USP12: variants seen among roughly 807,000 people sequenced by gnomAD.
The protein encoded by USP12 is ubiquitin specific peptidase 12.
In USP12, 19 loss-of-function variants were observed where a neutral mutation model predicts 45.5. That is an observed-to-expected ratio of 0.42 (90% CI 0.29 to 0.61). The LOEUF is 0.61. Ranked by LOEUF, USP12 falls within the 20% of genes least tolerant of loss-of-function variation. USP12 has a pLI of 0.22. For missense variants in USP12, 242 were observed against 447.7 expected, an observed-to-expected ratio of 0.54 and a Z score of 4.15; for synonymous variants, 149 against 148.8, an observed-to-expected ratio of 1.00 and a Z score of -0.01.
At chr13:27,165,412 C>T (rs895731440) in intron 1 of USP12, among the ~76,000 whole-genome samples, 10 of 152,058 alleles carry the variant, frequency 6.6e-5, no homozygotes, top group East Asian at 3.8e-4. Context: ...AAACAAATTT[C>T]CATTTTGGTT....
chr13:27,147,752 T>C (rs2137827654), intron 1 of USP12, among the ~76,000 whole-genome samples: 1 of 151,262 alleles, frequency 6.6e-6, no homozygotes, highest in African/African-American at 2.4e-5. Flanking sequence ...TTCAAAGCGC[T>C]CAAAGAAAGG....
intron 1 of USP12, among the ~76,000 whole-genome samples, chr13:27,116,921 G>A (rs113323128): frequency 5.9e-5 from 9 of 152,184 alleles, no homozygotes; most frequent in African/African-American, 1.7e-4. Context: ...ATGTAAGAAC[G>A]CTCTGATGTT....
At chr13:27,148,368 G>A (rs1334213992) in intron 1 of USP12, among the ~76,000 whole-genome samples, 10 of 107,520 alleles carry the variant, frequency 9.3e-5, no homozygotes, top group Admixed American at 1.2e-4. Flanking sequence ...AAAAGCAACT[G>A]TATAAAACTA....
intron 6 of USP12, among the ~76,000 whole-genome samples, chr13:27,076,696 C>T (rs1003415104): frequency 2.0e-5 from 3 of 152,052 alleles, no homozygotes; most frequent in African/African-American, 7.2e-5. Context: ...GCAAAATACT[C>T]CTCACAATTT....
At chr13:27,167,272 AT>A (rs201626049) in intron 1 of USP12, among the ~76,000 whole-genome samples, 1 of 147,626 alleles carries the variant, frequency 6.8e-6, no homozygotes, top group East Asian at 2.0e-4. Flanking sequence ...CAAAAAAAAA[AT>A]AAAATAAATA....
In USP12 at chr13:27,072,222, G is replaced by A. The variant is rs574113996; in HGVS notation, c.933-1073C>T. On this transcript the variant is annotated intron_variant, in intron 7 of 8. Transcript: ENST00000282344. Reference sequence around the variant, plus strand: ...CATCTAAAGGGTCTTGTGTGTTATGGGGAGAGGGTCAGAAATGAAAACAAA... The same window carrying A: ...CATCTAAAGGGTCTTGTGTGTTATGAGGAGAGGGTCAGAAATGAAAACAAA... Among the ~76,000 whole-genome samples, 14 of 152,098 alleles carry A rather than the reference G, an allele frequency of 9.2e-5. No individual in the cohort carries two copies. In the South Asian group the frequency reaches 2.9e-3, roughly 32 times the overall value.
intron 1 of USP12, among the ~76,000 whole-genome samples, chr13:27,132,697 C>T (rs901334903): frequency 1.3e-5 from 2 of 152,140 alleles, no homozygotes; most frequent in Admixed American, 1.3e-4. Context: ...CTGGTGGGCA[C>T]GTTAACAAGA....
At chr13:27,075,414 A>G (rs772185400) in intron 6 of USP12, 26 bp from the exon 7 acceptor site, 2 of 1,573,134 alleles carry the variant, frequency 1.3e-6, no homozygotes, top group Non-Finnish European at 1.7e-6. Context: ...ATGAAAACAA[A>G]ATTTCATAAA....
chr13:27,151,223 C>T (rs9553973), intron 1 of USP12, among the ~76,000 whole-genome samples: 72,256 of 151,696 alleles, frequency 0.48, 18,724 homozygotes, highest in East Asian at 0.77. Context: ...CCCAGCTACT[C>T]GGGAGTCTGA....
intron 3 of USP12, among the ~76,000 whole-genome samples, chr13:27,103,761 A>AAAAG (rs1555234523): frequency 1.4e-5 from 2 of 147,520 alleles, no homozygotes; most frequent in Non-Finnish European, 3.0e-5. Context: ...AAAAAAAAAA[A>AAAAG]AGAGAGAGAG....
chr13:27,114,784 AAC>A (rs1555235287), intron 2 of USP12, among the ~76,000 whole-genome samples: 2 of 151,920 alleles, frequency 1.3e-5, no homozygotes, highest in African/African-American at 4.8e-5. Context: ...AAAAAAAAAA[AAC>A]AAACTTGAGC....
chr13:27,083,777 T>C (rs950997556), intron 6 of USP12, among the ~76,000 whole-genome samples: 2 of 152,170 alleles, frequency 1.3e-5, no homozygotes, highest in African/African-American at 4.8e-5. Context: ...CATTTGATCA[T>C]AAAATACTAA....
chr13:27,081,776 A>G (rs1367685591), intron 6 of USP12, among the ~76,000 whole-genome samples: 1 of 152,258 alleles, frequency 6.6e-6, no homozygotes. Context: ...ATCTTATGTT[A>G]GCAGGCATGA....
In USP12 at chr13:27,119,416, A is replaced by G. The variant is rs1208081851; in HGVS notation, c.49-2820T>C. ...AGGCCAAGAGGAGTAAGGTGGAAAG[A>G]GCTGTAGATCATCATCGTTTAACCC... On this transcript the variant is annotated intron_variant, in intron 1 of 8. Coordinates refer to ENST00000282344, the MANE Select transcript of USP12 (RefSeq NM_182488.4). Among the ~76,000 whole-genome samples, 4 of 152,182 alleles carry G rather than the reference A, an allele frequency of 2.6e-5. No homozygotes were observed. In the South Asian group the frequency reaches 8.3e-4, roughly 32 times the overall value.
chr13:27,103,590 T>C (rs1874970473), intron 3 of USP12, among the ~76,000 whole-genome samples: 1 of 62,520 alleles, frequency 1.6e-5, no homozygotes, highest in East Asian at 4.9e-4. Flanking sequence ...TAGTAACTAT[T>C]GAACTATCAA....
At chr13:27,100,935 A>AT (rs1422390365) in intron 3 of USP12, among the ~76,000 whole-genome samples, 1 of 152,266 alleles carries the variant, frequency 6.6e-6, no homozygotes, top group Non-Finnish European at 1.5e-5. Flanking sequence ...AAGTAGCCTA[A>AT]TTTCTCCCTG....
chr13:27,082,978 G>A (rs1034731053), intron 6 of USP12, among the ~76,000 whole-genome samples: 2 of 152,202 alleles, frequency 1.3e-5, no homozygotes, highest in Admixed American at 1.3e-4. Flanking sequence ...TGGGATTATA[G>A]GCATGCGCCA....
intron 6 of USP12, among the ~76,000 whole-genome samples, chr13:27,087,133 G>A (rs73497360): frequency 6.6e-6 from 1 of 151,824 alleles, no homozygotes; most frequent in Non-Finnish European, 1.5e-5. Context: ...GCGTGTGTGA[G>A]AGTGTGTGTG....
At chr13:27,107,295 G>A (rs190156955) in intron 2 of USP12, among the ~76,000 whole-genome samples, 21 of 152,118 alleles carry the variant, frequency 1.4e-4, no homozygotes, top group Admixed American at 5.2e-4. Context: ...ACTGCACTCC[G>A]GCTTGGATGA....
Sources: allele counts gnomAD v4.1 joint callset (sites outside exome capture counted in the v4.1 genomes callset), GRCh38; gene constraint gnomAD v4.1.1; transcripts MANE v1.5; gene names NCBI Gene and HGNC (gene_info 2026-07-23, HGNC 2026-07-21).